Variants in STXBP2 observed in about 807,000 individuals in gnomAD.
STXBP2 encodes syntaxin binding protein 2, also known as syntaxin-binding protein 2.
Under a neutral mutation model 72.2 loss-of-function variants are expected in STXBP2, and 47 were observed. The ratio of observed to expected loss-of-function variants is 0.65; its 90% CI spans 0.51 to 0.83. STXBP2 has a LOEUF of 0.83. STXBP2 is among the 40% of genes least tolerant of loss of function. The pLI, the probability that STXBP2 is intolerant of heterozygous loss-of-function variation, is 0.00. For synonymous variants in STXBP2, 367 were observed against 338.7 expected (o/e 1.08, Z -0.92); for missense variants, 702 against 807.6 (o/e 0.87, Z 1.58).
At chr19:7,633,094 G>A, upstream of STXBP2, 1 of 1,161,272 alleles carries the variant, frequency 8.6e-7, no homozygotes, top group Non-Finnish European at 1.2e-6. Context: ...TCCGATGCGT[G>A]TCCCGCCGTC....
At chr19:7,632,384 A>G (rs1180364137), upstream of STXBP2, 1 of 1,613,480 alleles carries the variant, frequency 6.2e-7, no homozygotes, top group African/African-American at 1.3e-5. The surrounding 1 kb of genome is among the most constrained non-coding windows in gnomAD (Gnocchi z 5.2). Flanking sequence ...TCGCCAGAAC[A>G]TCACCTACCT....
chr19:7,640,256 G>A (rs903203006), intron 4 of STXBP2: 2 of 549,600 alleles, frequency 3.6e-6, no homozygotes, highest in East Asian at 4.3e-5. Flanking sequence ...GTGTGTGCAT[G>A]TGTGTATGCG....
chr19:7,646,187 C>T (rs1275713728), intron 15 of STXBP2, 62 bp from the exon 16 acceptor site: 1 of 1,435,460 alleles, frequency 7.0e-7, no homozygotes, highest in Non-Finnish European at 9.6e-7. Flanking sequence ...CCAGGCGCAG[C>T]CCCTCTGTGA....
At chr19:7,634,412 A>C (rs1475630558), upstream of STXBP2, among the ~76,000 whole-genome samples, 1 of 152,212 alleles carries the variant, frequency 6.6e-6, no homozygotes, top group African/African-American at 2.4e-5. Context: ...CAAAAGGCCA[A>C]GTTCACACTC....
At position 7,646,236 on chromosome 19, in the gene STXBP2, G is replaced by A. The variant is rs370994106; in HGVS notation, c.1357-13G>A. On this transcript the variant is annotated splice_polypyrimidine_tract_variant and intron_variant, in intron 15 of 18. Coordinates refer to ENST00000221283, the MANE Select transcript of STXBP2 (RefSeq NM_006949.4). ...CCTCAATCCCCCTGCTGCCCTCCCT[G>A]CCCTGCCTGTAGGGCTCGGGGACCT... 5.3e-5 allele frequency: 84 copies of A among 1,589,630 alleles called. No individual in the cohort carries two copies. In the African/African-American group the frequency reaches 1.1e-3, roughly 20 times the overall value.
In STXBP2 at chr19:7,642,628, C is replaced by T. The variant is rs926430930; in HGVS notation, c.902+92C>T. ...TCCCTGGCTGCTGCCAAGTCTTTGGCCCTCATGAGCACCCCTCGTGTGACT... is the reference window on the plus strand; with the variant it reads ...TCCCTGGCTGCTGCCAAGTCTTTGGTCCTCATGAGCACCCCTCGTGTGACT... On this transcript the variant is annotated intron_variant, in intron 10 of 18. Transcript: ENST00000221283. The surrounding 1 kb of genome is among the most constrained non-coding windows in gnomAD (Gnocchi z 6.0). The T allele has an allele frequency of 2.5e-5, 38 of 1,521,808 alleles. No homozygotes were observed. The highest frequency in any genetic ancestry group is 3.4e-5 in the Non-Finnish European group (37 of 1,098,986). 94.3% of individuals were successfully genotyped at this position (1,521,808 alleles called of 1,614,324 possible). A position where few individuals can be genotyped will look rare whatever the true frequency, so the allele number is the denominator to read the frequency against.
intron 6 of STXBP2, 99 bp downstream of exon 6, chr19:7,641,102 T>C: frequency 1.6e-6 from 2 of 1,278,642 alleles, no homozygotes; most frequent in Non-Finnish European, 2.2e-6. Flanking sequence ...CAGTGGCTCA[T>C]ACCTGTAATC....
At position 7,646,357 on chromosome 19, in the gene STXBP2, A is replaced by G. The variant is rs1314378956; in HGVS notation, c.1452+13A>G. The G allele has an allele frequency of 3.8e-6, 6 of 1,594,150 alleles. No homozygotes were observed. The African/African-American group carries it at 4.0e-5, about 11-fold the overall frequency. ...GGATGTAATGGAGGTACTGGGTGGC[A>G]GGTCAGGGTGGGGGCCAGCCCTCCG... On this transcript the variant is annotated intron_variant, in intron 16 of 18. Transcript: ENST00000221283.
At position 7,647,488 on chromosome 19, in the gene STXBP2, A is replaced by T; in HGVS notation, c.1673A>T (p.Glu558Val). The T allele has an allele frequency of 6.2e-7, 1 of 1,605,426 alleles. No homozygotes were observed. ...RAAYEVTRAT[E>V]GKWEVLIGSS... ...GCCTACGAGGTGACCAGGGCCACCG[A>T]GGGCAAGTGGGAGGTGCTCATTGGT... is the stretch of plus-strand genomic sequence containing the variant. Residue 558 changes from glutamate to valine, a missense_variant, in exon 18 of 19, where the codon GAG becomes GTG. Coordinates refer to ENST00000221283, the MANE Select transcript of STXBP2 (RefSeq NM_006949.4).
chr19:7,631,422 G>A, the STXBP2 span: 1 of 1,462,010 alleles, frequency 6.8e-7, no homozygotes, highest in East Asian at 2.5e-5. Context: ...TCCCGGCTCT[G>A]AGGTGTGTGC....
chr19:7,638,109 A>G (rs775905592), intron 1 of STXBP2, among the ~76,000 whole-genome samples: 8 of 152,234 alleles, frequency 5.3e-5, no homozygotes, highest in Non-Finnish European at 1.2e-4. Context: ...CTGGCGCTAG[A>G]GGCAGATAGA....
chr19:7,634,833 G>C (rs1436089525), upstream of STXBP2, among the ~76,000 whole-genome samples: 1 of 152,124 alleles, frequency 6.6e-6, no homozygotes, highest in African/African-American at 2.4e-5. Context: ...GATGTCCTTG[G>C]CTTGTCACTG....
At position 7,637,449 on chromosome 19, in the gene STXBP2, C is replaced by T. The variant is rs192544187; in HGVS notation, c.37+263C>T. On this transcript the variant is annotated intron_variant, in intron 1 of 18. Transcript: ENST00000221283. ...GTAGAGTGTGGCGGAGGCTGGGGCCCGGACTCCTGGGCCTCCTAGGGTGCC... is the reference window on the plus strand; with the variant it reads ...GTAGAGTGTGGCGGAGGCTGGGGCCTGGACTCCTGGGCCTCCTAGGGTGCC... 3.5e-3 allele frequency among the ~76,000 whole-genome samples: 533 copies of T among 152,212 alleles called. 1 individual carries two copies. The highest frequency in any genetic ancestry group is 0.012 in the African/African-American group (505 of 41,558).
intron 15 of STXBP2, among the ~76,000 whole-genome samples, chr19:7,645,660 G>A (rs2032104789): frequency 6.6e-6 from 1 of 151,934 alleles, no homozygotes; most frequent in Non-Finnish European, 1.5e-5. Flanking sequence ...GTCTCTGAGG[G>A]TCCCCCGCAC....
intron 4 of STXBP2, chr19:7,640,497 CATCTGTGTGTGTGT>C (rs76937271): frequency 0.069 from 45,354 of 659,864 alleles, 1,774 homozygotes; most frequent in Non-Finnish European, 0.093. Context: ...TGTGTGTGTG[CATCTGTGTGTGTGT>C]GCATGTGTGC....
chr19:7,639,976 G>C (rs548299319), intron 4 of STXBP2, 169 bp downstream of exon 4: 2 of 774,308 alleles, frequency 2.6e-6, no homozygotes, highest in African/African-American at 3.5e-5. Flanking sequence ...GTGTATGCAT[G>C]TGTGTGCGTG....
chr19:7,641,890 C>T, intron 7 of STXBP2, 37 bp downstream of exon 7: 1 of 1,599,812 alleles, frequency 6.3e-7, no homozygotes, highest in Non-Finnish European at 8.5e-7. Flanking sequence ...GATGCCGACC[C>T]CCCCTTAACC....
upstream of STXBP2, among the ~76,000 whole-genome samples, chr19:7,635,082 G>C (rs1373657415): frequency 6.6e-6 from 1 of 152,164 alleles, no homozygotes; most frequent in Non-Finnish European, 1.5e-5. Flanking sequence ...TGGGGTATTG[G>C]GGATTAGTAC....
intron 1 of STXBP2, among the ~76,000 whole-genome samples, chr19:7,637,698 C>T (rs2031608498): frequency 6.6e-6 from 1 of 152,168 alleles, no homozygotes; most frequent in African/African-American, 2.4e-5. Context: ...CGCAGGCGTC[C>T]AGGCCTCACC....
Sources: allele counts gnomAD v4.1 joint callset (sites outside exome capture counted in the v4.1 genomes callset), GRCh38; gene constraint gnomAD v4.1.1; non-coding constraint Gnocchi (gnomAD v3.1); transcripts MANE v1.5; gene names NCBI Gene and HGNC (gene_info 2026-07-23, HGNC 2026-07-21).